The following CACFD1 variants were observed in gnomAD, a reference collection of about 807,000 sequenced individuals.
CACFD1 encodes calcium channel flower homolog.
In CACFD1, 26 loss-of-function variants were observed where a neutral mutation model predicts 21.3. The observed-to-expected ratio is 1.22, with a 90% CI of 0.89 to 1.69. The LOEUF is 1.69. Ranked by LOEUF, CACFD1 falls within the 40% of genes most tolerant of loss-of-function variation. The pLI, the probability that CACFD1 is intolerant of heterozygous loss-of-function variation, is 0.00. For synonymous variants in CACFD1, 121 were observed against 106.6 expected, an observed-to-expected ratio of 1.13 and a Z score of -0.83; for missense variants, 265 against 236.2, an observed-to-expected ratio of 1.12 and a Z score of -0.80.
At chr9:133,462,350 C>G (rs1369465404) in intron 1 of CACFD1, 1 of 1,227,844 alleles carries the variant, frequency 8.1e-7, no homozygotes, top group Non-Finnish European at 1.1e-6. Context: ...TAAGGCTGTG[C>G]TGAGGAGCAG....
rs587682869 is a variant in CACFD1 at position 133,469,349 on chromosome 9, C to G, written c.*696C>G. 1 of 152,388 alleles carries G rather than the reference C, an allele frequency of 6.6e-6. No homozygotes were observed. The highest frequency in any genetic ancestry group is 1.5e-5 in the Non-Finnish European group (1 of 68,208). The allele number at this position is 152,388 out of a possible 1,614,324, so 9.4% of individuals were successfully genotyped here. ...CCCCTAGGTTCTGCCCATCACCCCC[C>G]GCCCCTGCTGGCCTTGGTGCTAAGG... is the stretch of plus-strand genomic sequence containing the variant. On this transcript the variant is annotated 3_prime_UTR_variant, in exon 5 of 5. Coordinates refer to ENST00000316948, the MANE Select transcript of CACFD1 (RefSeq NM_017586.5).
intron 2 of CACFD1, among the ~76,000 whole-genome samples, chr9:133,463,917 C>T (rs915862251): frequency 2.0e-5 from 3 of 152,238 alleles, no homozygotes; most frequent in South Asian, 2.1e-4. Flanking sequence ...CTGGGAGCTC[C>T]CAGGACTGGG....
rs1003833795 is a variant in CACFD1, at chr9:133,460,262, C to T, written c.121+75C>T. ...TCGCCCTGCCCTGCCCCGCCCCGCC[C>T]CGGCGGCCCCAGGGGAAAGGACCCG... On this transcript the variant is annotated intron_variant, in intron 1 of 4. Coordinates refer to ENST00000316948, the MANE Select transcript of CACFD1 (RefSeq NM_017586.5). 5 of 1,338,532 alleles carry T rather than the reference C, an allele frequency of 3.7e-6. No individual in the cohort carries two copies. In the African/African-American group the frequency reaches 4.6e-5, roughly 12 times the overall value. The allele number at this position is 1,338,532 out of a possible 1,614,324, so 82.9% of individuals were successfully genotyped here. A position where few individuals can be genotyped will look rare whatever the true frequency, so the allele number is the denominator to read the frequency against.
rs952207824 is a variant in CACFD1, at chr9:133,465,813, C to T, written c.320+366C>T. 14 of 183,296 alleles carry T rather than the reference C, an allele frequency of 7.6e-5. No homozygotes were observed. Among genetic ancestry groups the T allele is most frequent in the Non-Finnish European group, 1.3e-4 (11 of 87,354 alleles). 11.4% of individuals were successfully genotyped at this position (183,296 alleles called of 1,614,324 possible). ...AGGACATGTTTCTCTGCAGCCTTTCCGAAGAGTGGGTTCATCTAGATGTCC... is the reference window on the plus strand; with the variant it reads ...AGGACATGTTTCTCTGCAGCCTTTCTGAAGAGTGGGTTCATCTAGATGTCC... On this transcript the variant is annotated intron_variant, in intron 3 of 4. Coordinates refer to ENST00000316948, the MANE Select transcript of CACFD1 (RefSeq NM_017586.5). The surrounding 1 kb of genome is among the most constrained non-coding windows in gnomAD (Gnocchi z 5.0).
chr9:133,461,809 T>TAGACAGGG, intron 1 of CACFD1: 3 of 941,822 alleles, frequency 3.2e-6, no homozygotes, highest in Non-Finnish European at 3.8e-6. Context: ...AAATGCTGTA[T>TAGACAGGG]TACAGGGTAG....
rs142052230 is a variant in CACFD1 at position 133,466,537 on chromosome 9, G to A, written c.320+1090G>A. Reference sequence around the variant, plus strand: ...TTCATTCAGCTGGATGTATCATGCTGTTCTTAATTTCTTAACTGGTGTAAA... The same window carrying A: ...TTCATTCAGCTGGATGTATCATGCTATTCTTAATTTCTTAACTGGTGTAAA... On this transcript the variant is annotated intron_variant, in intron 3 of 4. Transcript: ENST00000316948. Among the ~76,000 whole-genome samples, 40 of 152,142 alleles carry A rather than the reference G, an allele frequency of 2.6e-4. No homozygotes were observed. In the East Asian group the frequency reaches 5.8e-3, roughly 22 times the overall value.
In CACFD1 at chr9:133,468,953, CCTG is replaced by C. The variant is rs1843561904; in HGVS notation, c.*304_*306del. ...ACACCACAGACAGGGCTGCCTGTGA[CCTG>C]CTGTGACCTGGGAGCAGCTTCCCCT... is the stretch of plus-strand genomic sequence containing the variant. On this transcript the variant is annotated 3_prime_UTR_variant, in exon 5 of 5. Coordinates refer to ENST00000316948, the MANE Select transcript of CACFD1 (RefSeq NM_017586.5). 2.4e-6 allele frequency: 1 copy of C among 419,370 alleles called. No individual in the cohort carries two copies. Among genetic ancestry groups the C allele is most frequent in the African/African-American group, 2.0e-5 (1 of 49,108 alleles). The allele number at this position is 419,370 out of a possible 1,614,324, so 26.0% of individuals were successfully genotyped here.
At chr9:133,460,471 C>CGGCGGGGGCGGGGGGGCGGCGGG (rs55944944) in intron 1 of CACFD1, among the ~76,000 whole-genome samples, 2,695 of 125,798 alleles carry the variant, frequency 0.021, 117 homozygotes, top group Non-Finnish European at 0.03. Context: ...GGCGGGGGGG[C>CGGCGGGGGCGGGGGGGCGGCGGG]GGCGGGGGCG....
Position 133,468,246 on chromosome 9 carries a change from C to T in CACFD1, c.428+218C>T, listed in dbSNP as rs1843523517. 3.0e-5 allele frequency: 42 copies of T among 1,417,698 alleles called. No individual in the cohort carries two copies. In the South Asian group the frequency reaches 5.0e-4, roughly 17 times the overall value. 87.8% of individuals were successfully genotyped at this position (1,417,698 alleles called of 1,614,324 possible). On this transcript the variant is annotated intron_variant, in intron 4 of 4. Transcript: ENST00000316948. ...CCCAGTCTTGCCCCGTCACGGCCTG[C>T]AGCAAGGATAGCAAAAACATGGCTG...
rs1843570255 is a variant in CACFD1 at position 133,469,140 on chromosome 9, GCCCACTGTCAC to G, written c.*490_*500del. On this transcript the variant is annotated 3_prime_UTR_variant, in exon 5 of 5. Coordinates refer to ENST00000316948, the MANE Select transcript of CACFD1 (RefSeq NM_017586.5). The stretch of plus-strand genomic sequence containing the variant: ...CTCCCACTGCTGCCTAGGGTGCAGC[GCCCACTGTCAC>G]CCTGCCTTCTGAAGAAGCCCACAGG... The G allele has an allele frequency of 6.0e-6, 1 of 166,602 alleles. No individual in the cohort carries two copies. Among genetic ancestry groups the G allele is most frequent in the Non-Finnish European group, 1.3e-5 (1 of 77,814 alleles). The allele number at this position is 166,602 out of a possible 1,614,324, so 10.3% of individuals were successfully genotyped here.
rs1465597837 is a variant in CACFD1, at chr9:133,460,101, C to G, written c.35C>G (p.Ala12Gly). The G allele has an allele frequency of 6.4e-7, 1 of 1,563,292 alleles. No homozygotes were observed. Among genetic ancestry groups the G allele is most frequent in the Non-Finnish European group, 8.7e-7 (1 of 1,153,622 alleles). The change falls in exon 1 of 5, where the codon GCC (alanine) becomes GGC (glycine). Residue 12 changes from alanine to glycine, a missense_variant. Coordinates refer to ENST00000316948, the MANE Select transcript of CACFD1 (RefSeq NM_017586.5). ...TCAGGTGGGGCGCCCGGGGCGTCCGCCAGCTCTGCGCCGCCCGCGCAGGAA... is the reference window on the plus strand; with the variant it reads ...TCAGGTGGGGCGCCCGGGGCGTCCGGCAGCTCTGCGCCGCCCGCGCAGGAA... ...SSSGGAPGAS[A>G]SSAPPAQEEG...
chr9:133,468,057 A>T, intron 4 of CACFD1, 29 bp downstream of exon 4: 1 of 1,544,764 alleles, frequency 6.5e-7, no homozygotes, highest in Non-Finnish European at 8.9e-7. Flanking sequence ...GCCCCTGGGC[A>T]GGGCCTTCCT....
chr9:133,462,311 G>C, intron 1 of CACFD1: 2 of 1,300,034 alleles, frequency 1.5e-6, no homozygotes, highest in South Asian at 2.5e-5. Context: ...TGTGGTTCTG[G>C]AACACCTTGC....
chr9:133,465,256 C>T lies in CACFD1; in HGVS notation c.195-66C>T. On this transcript the variant is annotated intron_variant, in intron 2 of 4. Coordinates refer to ENST00000316948, the MANE Select transcript of CACFD1 (RefSeq NM_017586.5). This position sits in a 1 kb window ranked among gnomAD's most constrained non-coding sequence, Gnocchi z 5.0. ...GGTGGCATTCCTTATGGCACTGGCACTGGGGGCCGCCCTCATCCTCCTGGG... is the reference window on the plus strand; with the variant it reads ...GGTGGCATTCCTTATGGCACTGGCATTGGGGGCCGCCCTCATCCTCCTGGG... The T allele has an allele frequency of 6.3e-7, 1 of 1,595,730 alleles. No individual in the cohort carries two copies. Among genetic ancestry groups the T allele is most frequent in the Non-Finnish European group, 8.6e-7 (1 of 1,167,690 alleles).
intron 1 of CACFD1, 73 bp downstream of exon 1, chr9:133,460,260 C>A (rs1843089527): frequency 1.5e-6 from 2 of 1,335,692 alleles, no homozygotes; most frequent in African/African-American, 1.5e-5. Flanking sequence ...CCCCGCCCCG[C>A]CCCGGCGGCC....
chr9:133,463,747 C>T (rs891138038), intron 2 of CACFD1, among the ~76,000 whole-genome samples, 192 bp downstream of exon 2: 1 of 152,242 alleles, frequency 6.6e-6, no homozygotes, highest in African/African-American at 2.4e-5. Flanking sequence ...CCCCTTCATA[C>T]CCCCACCATG....
intron 2 of CACFD1, 110 bp downstream of exon 2, chr9:133,463,665 G>A (rs1843313954): frequency 2.6e-6 from 3 of 1,146,016 alleles, no homozygotes; most frequent in Admixed American, 1.8e-5. Context: ...CATCCTTGTG[G>A]TTGCCATGGC....
At position 133,469,180 on chromosome 9, in the gene CACFD1, C is replaced by T. The variant is rs1168540109; in HGVS notation, c.*527C>T. ...GCCTTCTGAAGAAGCCCACAGGGCT[C>T]CTAAGGTGCACCCCGGTACCTGGAA... On this transcript the variant is annotated 3_prime_UTR_variant, in exon 5 of 5. Coordinates refer to ENST00000316948, the MANE Select transcript of CACFD1 (RefSeq NM_017586.5). 1 of 156,174 alleles carries T rather than the reference C, an allele frequency of 6.4e-6. No homozygotes were observed. Among genetic ancestry groups the T allele is most frequent in the Non-Finnish European group, 1.4e-5 (1 of 70,812 alleles). The allele number at this position is 156,174 out of a possible 1,614,324, so 9.7% of individuals were successfully genotyped here.
intron 4 of CACFD1, 104 bp from the exon 5 acceptor site, chr9:133,468,459 C>T (rs1843535456): frequency 6.5e-7 from 1 of 1,537,308 alleles, no homozygotes; most frequent in Non-Finnish European, 8.7e-7. Context: ...ATCAGAATGC[C>T]TGCAGGTCAC....
Sources: gnomAD v4.1 joint callset for allele counts (sites outside exome capture counted in the v4.1 genomes callset) on GRCh38, gnomAD v4.1.1 for gene constraint, Gnocchi (gnomAD v3.1) non-coding constraint, MANE v1.5 for transcripts, NCBI Gene and HGNC (gene_info 2026-07-23, HGNC 2026-07-21) for gene names.